MAGI2: variants seen among roughly 807,000 people sequenced by gnomAD.
The protein encoded by MAGI2 is membrane-associated guanylate kinase, WW and PDZ domain-containing protein 2.
A neutral mutation model predicts 133.3 loss-of-function variants in MAGI2; 35 were observed. The observed-to-expected ratio is 0.26, with a 90% CI of 0.20 to 0.35. The LOEUF (loss-of-function observed/expected upper bound fraction) is 0.35. Ranked by LOEUF, MAGI2 falls within the 10% of genes least tolerant of loss-of-function variation. The pLI, the probability that MAGI2 is intolerant of heterozygous loss-of-function variation, is 1.00. For missense variants in MAGI2, 1,636 were observed against 1,863.4 expected (o/e 0.88, Z 2.25); for synonymous variants, 729 against 710.6 (o/e 1.03, Z -0.41).
chr7:78,617,611 T>G (rs1352751517), intron 3 of MAGI2: 1 of 152,124 alleles, frequency 6.6e-6, no homozygotes, highest in East Asian at 1.9e-4. Flanking sequence ...CATGATTGCT[T>G]TTAAACATAA....
At chr7:78,054,763 G>A (rs1160891969) in intron 21 of MAGI2, among the ~76,000 whole-genome samples, 2 of 151,478 alleles carry the variant, frequency 1.3e-5, no homozygotes, top group Non-Finnish European at 2.9e-5. Flanking sequence ...GGGCTCAAGC[G>A]TTCCTCAACC....
At chr7:78,827,565 C>T (rs1173778215) in intron 2 of MAGI2, among the ~76,000 whole-genome samples, 1 of 152,114 alleles carries the variant, frequency 6.6e-6, no homozygotes, top group Non-Finnish European at 1.5e-5. Flanking sequence ...GGCGGCTCAC[C>T]ATGGTGCACC....
At chr7:79,096,613 A>G (rs533139450) in intron 1 of MAGI2, among the ~76,000 whole-genome samples, 1 of 152,352 alleles carries the variant, frequency 6.6e-6, no homozygotes, top group Admixed American at 6.5e-5. Flanking sequence ...AATGTTTTCA[A>G]GAATTTAAAA....
chr7:78,434,157 G>C (rs1192320779), intron 6 of MAGI2, among the ~76,000 whole-genome samples: 2 of 152,138 alleles, frequency 1.3e-5, no homozygotes, highest in Admixed American at 1.3e-4. Context: ...TGCTTGAGCA[G>C]ATTTGGCTGA....
intron 9 of MAGI2, among the ~76,000 whole-genome samples, chr7:78,279,971 C>A (rs1456955313): frequency 1.3e-5 from 2 of 152,122 alleles, no homozygotes; most frequent in Non-Finnish European, 2.9e-5. Flanking sequence ...TATCCTTAAG[C>A]AAACTCAGCT....
intron 1 of MAGI2, among the ~76,000 whole-genome samples, chr7:79,404,620 C>T (rs1371285706): frequency 3.3e-5 from 5 of 152,082 alleles, no homozygotes; most frequent in Admixed American, 3.3e-4. Flanking sequence ...TTCTAGGAAA[C>T]ATATGTTTTT....
intron 2 of MAGI2, among the ~76,000 whole-genome samples, chr7:78,984,510 T>C (rs1805066677): frequency 6.6e-6 from 1 of 151,930 alleles, no homozygotes; most frequent in South Asian, 2.1e-4. Context: ...TGTCTATTGT[T>C]TACACCCACT....
intron 20 of MAGI2, among the ~76,000 whole-genome samples, chr7:78,098,418 A>G (rs904973658): frequency 7.9e-5 from 12 of 152,160 alleles, no homozygotes; most frequent in African/African-American, 2.7e-4. Context: ...AATATAGAAG[A>G]TATCTGTTCA....
chr7:78,295,941 A>ATAAT (rs1797187068), intron 9 of MAGI2, among the ~76,000 whole-genome samples: 1 of 152,078 alleles, frequency 6.6e-6, no homozygotes, highest in African/African-American at 2.4e-5. Context: ...TCTTACTCCA[A>ATAAT]TAATTCAAAA....
In MAGI2 at chr7:78,057,977, G is replaced by GTATATATATATA. The variant is rs58788674; in HGVS notation, c.3706+20958_3706+20969dup. ...CCCCTCTGGCATTTTATATATATGTGTATATATATATATATATATATATAT... is the reference window on the plus strand; with the variant it reads ...CCCCTCTGGCATTTTATATATATGTGTATATATATATATATATATATATATATATATATATAT... On this transcript the variant is annotated intron_variant, in intron 21 of 21. Transcript: ENST00000354212. Among the ~76,000 whole-genome samples the GTATATATATATA allele has an allele frequency of 2.7e-3, 286 of 106,562 alleles. 11 individuals are homozygous for GTATATATATATA. Among genetic ancestry groups the GTATATATATATA allele is most frequent in the African/African-American group, 6.6e-3 (195 of 29,738 alleles). 69.9% of individuals were successfully genotyped at this position (106,562 alleles called of 152,430 possible). A position where few individuals can be genotyped will look rare whatever the true frequency, so the allele number is the denominator to read the frequency against.
chr7:78,641,791 G>C (rs912911933), intron 2 of MAGI2, among the ~76,000 whole-genome samples: 6 of 152,052 alleles, frequency 3.9e-5, no homozygotes, highest in African/African-American at 1.2e-4. Context: ...ATAGATATTT[G>C]GTCTCTCAAG....
chr7:78,374,200 C>G (rs950830765), intron 6 of MAGI2, among the ~76,000 whole-genome samples: 5 of 152,086 alleles, frequency 3.3e-5, no homozygotes, highest in Non-Finnish European at 7.4e-5. Context: ...AAGTGTTCCC[C>G]TTTCTCTGCA....
In MAGI2 at chr7:79,214,442, T is replaced by A. The variant is rs1225380420; in HGVS notation, c.302-207236A>T. On this transcript the variant is annotated intron_variant, in intron 1 of 21. Transcript: ENST00000354212. ...ATATATATATATATATATATATATA[T>A]AAATATGCACACACACACAAACATA... Among the ~76,000 whole-genome samples, 380 of 110,450 alleles carry A rather than the reference T, an allele frequency of 3.4e-3. 3 individuals are homozygous for A. The highest frequency in any genetic ancestry group is 5.0e-3 in the Non-Finnish European group (262 of 52,908). The allele number at this position is 110,450 out of a possible 152,430, so 72.5% of individuals were successfully genotyped here.
At chr7:78,223,776 G>C (rs772002088) in intron 10 of MAGI2, among the ~76,000 whole-genome samples, 3 of 151,996 alleles carry the variant, frequency 2.0e-5, no homozygotes, top group Non-Finnish European at 2.9e-5. Flanking sequence ...ATAAAAGCTA[G>C]TAGAAACCCA....
At chr7:78,381,652 T>C (rs1480409851) in intron 6 of MAGI2, among the ~76,000 whole-genome samples, 1 of 152,096 alleles carries the variant, frequency 6.6e-6, no homozygotes, top group Non-Finnish European at 1.5e-5. Flanking sequence ...AAGCCAGGAA[T>C]AGAGAGTTCA....
chr7:78,559,479 A>T (rs1338526610), intron 3 of MAGI2, among the ~76,000 whole-genome samples: 1 of 152,162 alleles, frequency 6.6e-6, no homozygotes, highest in African/African-American at 2.4e-5. Flanking sequence ...CATTTAAAGC[A>T]GTTAGTGATT....
chr7:78,810,840 A>T (rs902912131), intron 2 of MAGI2, among the ~76,000 whole-genome samples: 1 of 152,050 alleles, frequency 6.6e-6, no homozygotes, highest in African/African-American at 2.4e-5. Flanking sequence ...AAAATAAATA[A>T]TTATTTCTTA....
intron 21 of MAGI2, chr7:78,078,387 C>G (rs1815590438): frequency 6.4e-6 from 1 of 156,012 alleles, no homozygotes; most frequent in Admixed American, 6.4e-5. Context: ...TAAAGCCTTC[C>G]TCAAAAGCAT....
At chr7:78,175,285 G>T (rs148915721) in intron 14 of MAGI2, among the ~76,000 whole-genome samples, 1 of 152,274 alleles carries the variant, frequency 6.6e-6, no homozygotes, top group Non-Finnish European at 1.5e-5. Flanking sequence ...AACAGCCTGT[G>T]TTTTGTTCCA....
Sources: gnomAD v4.1 joint callset for allele counts (sites outside exome capture counted in the v4.1 genomes callset) on GRCh38, gnomAD v4.1.1 for gene constraint, MANE v1.5 for transcripts, NCBI Gene and HGNC (gene_info 2026-07-23, HGNC 2026-07-21) for gene names.